ENTPD5: variants seen among roughly 807,000 people sequenced by gnomAD.
ENTPD5 encodes the protein nucleoside diphosphate phosphatase ENTPD5.
A neutral mutation model predicts 60.2 loss-of-function variants in ENTPD5; 49 were observed. That is an observed-to-expected ratio of 0.81 (90% CI 0.65 to 1.03). The LOEUF (loss-of-function observed/expected upper bound fraction) is 1.03. Ranked by LOEUF, ENTPD5 falls within the 50% of genes least tolerant of loss-of-function variation. The pLI, the probability that ENTPD5 is intolerant of heterozygous loss-of-function variation, is 0.00. For missense variants in ENTPD5, 480 were observed against 507.6 expected, an observed-to-expected ratio of 0.95 and a Z score of 0.52; for synonymous variants, 187 against 185.4, an observed-to-expected ratio of 1.01 and a Z score of -0.07.
chr14:73,961,811 T>G, downstream of ENTPD5: 1 of 1,614,174 alleles, frequency 6.2e-7, no homozygotes, highest in Non-Finnish European at 8.5e-7. Flanking sequence ...TGCTACAGAC[T>G]TACTAAAAAG....
chr14:73,989,631 C>T lies in ENTPD5; in HGVS notation c.-70-1459G>A, dbSNP rs561447895. On this transcript the variant is annotated intron_variant, in intron 3 of 15. Transcript: ENST00000334696. ...GGCGGATCACCTGAGGTCAGGAGTT[C>T]AAGACCAGCCTGGCCAACATGGTGA... Among the ~76,000 whole-genome samples, 194 of 150,452 alleles carry T rather than the reference C, an allele frequency of 1.3e-3. 1 individual carries two copies. The highest frequency in any genetic ancestry group is 4.6e-3 in the African/African-American group (189 of 41,060).
chr14:73,986,446 T>C (rs1374570582), intron 5 of ENTPD5: 1 of 172,218 alleles, frequency 5.8e-6, no homozygotes, highest in African/African-American at 2.4e-5. Flanking sequence ...CTGCTCACCA[T>C]GCCTTCAACT....
At chr14:73,984,047 G>A (rs1405613543) in intron 5 of ENTPD5, among the ~76,000 whole-genome samples, 2 of 147,702 alleles carry the variant, frequency 1.4e-5, no homozygotes, top group African/African-American at 5.0e-5. Context: ...TTTTTTTTAA[G>A]ACGGAATTTT....
At chr14:73,956,009 A>G (rs756653470), downstream of ENTPD5, 13 of 1,585,110 alleles carry the variant, frequency 8.2e-6, no homozygotes, top group Admixed American at 1.7e-5. Context: ...CTCTTTTACA[A>G]TATTCAGTGT....
In ENTPD5 at chr14:73,983,149, C is replaced by A. The variant is rs573160416; in HGVS notation, c.310G>T (p.Val104Phe). ...TTGGCCACCTCTAAGAGCCCTTGAA[C>A]GGTCTCAGCACCCTTCAAAAGAGAT... Reference protein sequence around the residue: ...VDQPKQGAETVQGLLEVAKDS... With the variant: ...VDQPKQGAETFQGLLEVAKDS... The change falls in exon 6 of 16, where the codon GTT becomes TTT. Residue 104 changes from valine to phenylalanine, a missense_variant. Physicochemically the swap from Val to Phe is conservative, Grantham distance 50. Coordinates refer to ENST00000334696, the MANE Select transcript of ENTPD5 (RefSeq NM_001249.5). 9 of 1,613,564 alleles carry A rather than the reference C, an allele frequency of 5.6e-6. No homozygotes were observed. The South Asian group carries it at 8.8e-5, about 16-fold the overall frequency.
intron 3 of ENTPD5, chr14:74,003,391 G>C (rs1037932155): frequency 5.6e-6 from 4 of 712,304 alleles, no homozygotes; most frequent in African/African-American, 1.8e-5. Flanking sequence ...GGAAACCTCT[G>C]CATCATGAGA....
At chr14:73,996,206 T>G in intron 3 of ENTPD5, 1 of 985,342 alleles carries the variant, frequency 1.0e-6, no homozygotes, top group Non-Finnish European at 1.2e-6. Flanking sequence ...GCGAGCCTCA[T>G]GAACCGCATT....
At chr14:73,972,059 T>G (rs1280770612) in intron 13 of ENTPD5, 151 bp from the exon 14 acceptor site, 2 of 627,796 alleles carry the variant, frequency 3.2e-6, no homozygotes, top group East Asian at 5.6e-5. Context: ...TATGTATATT[T>G]AACCACAATG....
chr14:73,989,902 G>A (rs896009256), intron 3 of ENTPD5, among the ~76,000 whole-genome samples: 8 of 150,998 alleles, frequency 5.3e-5, no homozygotes, highest in Non-Finnish European at 1.2e-4. Flanking sequence ...AGCTACTCAG[G>A]AGGCTGAGGC....
chr14:73,961,275 C>A (rs2056716636), downstream of ENTPD5: 2 of 1,614,040 alleles, frequency 1.2e-6, no homozygotes, highest in Non-Finnish European at 1.7e-6. Flanking sequence ...TCGCCAGCTG[C>A]CCCCAAGCGT....
chr14:74,004,564 T>C (rs8019192), intron 3 of ENTPD5, among the ~76,000 whole-genome samples: 11,950 of 152,168 alleles, frequency 0.079, 613 homozygotes, highest in South Asian at 0.26. Context: ...AGGCTGGGGC[T>C]GCAGTCAATC....
At chr14:73,977,228 A>C in intron 7 of ENTPD5, 71 bp downstream of exon 7, 1 of 1,342,030 alleles carries the variant, frequency 7.5e-7, no homozygotes, top group Non-Finnish European at 1.1e-6. Context: ...TCCTGGCCCC[A>C]GTTCCTTTAG....
downstream of ENTPD5, among the ~76,000 whole-genome samples, chr14:73,962,201 C>T (rs997742071): frequency 6.6e-6 from 1 of 152,080 alleles, no homozygotes; most frequent in Non-Finnish European, 1.5e-5. Context: ...CTGCCTCGGC[C>T]TCCCAAAGTG....
chr14:73,955,402 C>A, downstream of ENTPD5: 2 of 1,441,376 alleles, frequency 1.4e-6, no homozygotes, highest in Non-Finnish European at 2.0e-6. Flanking sequence ...CAAGGGGGAG[C>A]CCAGGTCCTT....
intron 15 of ENTPD5, among the ~76,000 whole-genome samples, chr14:73,967,833 G>T (rs1020383985): frequency 2.4e-4 from 35 of 144,356 alleles, no homozygotes; most frequent in Non-Finnish European, 1.2e-4. Context: ...AAAAAGAAAC[G>T]AACAAAAAAG....
chr14:74,006,371 C>G lies in ENTPD5; in HGVS notation c.-71+4720G>C, dbSNP rs554680332. 1.1e-4 allele frequency among the ~76,000 whole-genome samples: 16 copies of G among 151,646 alleles called. 1 individual carries two copies. In the South Asian group the frequency reaches 3.3e-3, roughly 32 times the overall value. ...CAATCTCGGCTCACTGCAAGCTCCG[C>G]TTCCCGGGTTCACACCATTCTCCTG... On this transcript the variant is annotated intron_variant, in intron 3 of 15. Coordinates refer to ENST00000334696, the MANE Select transcript of ENTPD5 (RefSeq NM_001249.5).
At chr14:74,012,083 C>T (rs1751274603) in intron 2 of ENTPD5, among the ~76,000 whole-genome samples, 1 of 152,214 alleles carries the variant, frequency 6.6e-6, no homozygotes, top group South Asian at 2.1e-4. Context: ...ACTATAAGGT[C>T]TCCAAAGTAA....
At chr14:73,962,293 T>C (rs1238872405), downstream of ENTPD5, among the ~76,000 whole-genome samples, 3 of 152,090 alleles carry the variant, frequency 2.0e-5, no homozygotes, top group African/African-American at 7.2e-5. Context: ...GTAAAATTAT[T>C]ATCTTTATGT....
chr14:73,985,451 G>C (rs891780749), intron 5 of ENTPD5, among the ~76,000 whole-genome samples: 3 of 152,134 alleles, frequency 2.0e-5, no homozygotes, highest in African/African-American at 7.2e-5. Flanking sequence ...GTGTGAGATG[G>C]TGTCTCATTG....
Sources: allele counts gnomAD v4.1 joint callset (sites outside exome capture counted in the v4.1 genomes callset), GRCh38; gene constraint gnomAD v4.1.1; transcripts MANE v1.5; gene names NCBI Gene and HGNC (gene_info 2026-07-23, HGNC 2026-07-21).